Variants in RABEP1 observed in about 807,000 individuals in gnomAD.
RABEP1 encodes the protein rabaptin, RAB GTPase binding effector protein 1, also known as rab GTPase-binding effector protein 1.
A neutral mutation model predicts 123.4 loss-of-function variants in RABEP1; 51 were observed. The observed-to-expected ratio is 0.41, with a 90% CI of 0.33 to 0.52. The LOEUF (loss-of-function observed/expected upper bound fraction) is 0.52, where lower values mean the gene tolerates loss of function less well. RABEP1 is among the 20% of genes least tolerant of loss of function. RABEP1 has a pLI of 0.16. For missense variants in RABEP1, 888 were observed against 996.3 expected (o/e 0.89, Z 1.46); for synonymous variants, 347 against 355.2 (o/e 0.98, Z 0.26).
chr17:5,329,460 G>A (rs1252990146), intron 2 of RABEP1, among the ~76,000 whole-genome samples: 1 of 152,224 alleles, frequency 6.6e-6, no homozygotes, highest in Non-Finnish European at 1.5e-5. Flanking sequence ...GAACCCGGGA[G>A]GCAGAGGTTG....
intron 3 of RABEP1, among the ~76,000 whole-genome samples, chr17:5,332,781 T>C (rs1906688126): frequency 6.6e-6 from 1 of 151,926 alleles, no homozygotes; most frequent in Non-Finnish European, 1.5e-5. Flanking sequence ...GCTAATTTTG[T>C]ATTTTTAGTA....
At chr17:5,363,579 C>G (rs1365922756) in intron 10 of RABEP1, among the ~76,000 whole-genome samples, 2 of 152,108 alleles carry the variant, frequency 1.3e-5, no homozygotes, top group Non-Finnish European at 2.9e-5. Context: ...ACTACCTAAT[C>G]TCTTCCACCC....
intron 11 of RABEP1, among the ~76,000 whole-genome samples, chr17:5,367,360 C>T (rs1910102220): frequency 6.6e-6 from 1 of 151,684 alleles, no homozygotes; most frequent in East Asian, 2.0e-4. Flanking sequence ...CAACGTCTGC[C>T]TCCCAGGTTC....
intron 2 of RABEP1, among the ~76,000 whole-genome samples, chr17:5,326,945 A>T (rs1486649765): frequency 6.6e-6 from 1 of 152,254 alleles, no homozygotes; most frequent in Non-Finnish European, 1.5e-5. Context: ...CCTACTACAC[A>T]TGTAGGCTAC....
At chr17:5,362,706 G>C (rs149027573) in intron 9 of RABEP1, among the ~76,000 whole-genome samples, 1 of 152,284 alleles carries the variant, frequency 6.6e-6, no homozygotes, top group African/African-American at 2.4e-5. Context: ...GCGATAAATT[G>C]TGTCCCATGT....
At chr17:5,328,530 C>T (rs561359880) in intron 2 of RABEP1, among the ~76,000 whole-genome samples, 3 of 151,522 alleles carry the variant, frequency 2.0e-5, no homozygotes, top group Admixed American at 6.6e-5. Flanking sequence ...CCTATAGTCC[C>T]AGCTACGTGG....
intron 1 of RABEP1, among the ~76,000 whole-genome samples, chr17:5,283,598 T>A (rs2074949757): frequency 6.6e-6 from 1 of 152,172 alleles, no homozygotes; most frequent in Non-Finnish European, 1.5e-5. Context: ...TAAGTGTGAG[T>A]AGAGTAGAAT....
chr17:5,289,195 A>G lies in RABEP1; in HGVS notation c.34+6675A>G, dbSNP rs140722720. Among the ~76,000 whole-genome samples the G allele has an allele frequency of 2.3e-3, 313 of 137,072 alleles. 2 individuals are homozygous for G. The highest frequency in any genetic ancestry group is 3.9e-3 in the Non-Finnish European group (250 of 64,878). 89.9% of individuals were successfully genotyped at this position (137,072 alleles called of 152,430 possible). A position where few individuals can be genotyped will look rare whatever the true frequency, so the allele number is the denominator to read the frequency against. On this transcript the variant is annotated intron_variant, in intron 1 of 17. Coordinates refer to ENST00000537505, the MANE Select transcript of RABEP1 (RefSeq NM_004703.6). ...CTTCTTCCTCTTCCTTTTCTCTTCTACTATGAGTTGCTGTTTCACATCTTT... is the reference window on the plus strand; with the variant it reads ...CTTCTTCCTCTTCCTTTTCTCTTCTGCTATGAGTTGCTGTTTCACATCTTT...
chr17:5,361,831 T>C, intron 9 of RABEP1, 156 bp downstream of exon 9: 1 of 637,106 alleles, frequency 1.6e-6, no homozygotes, highest in Admixed American at 3.0e-5. Context: ...ACCCTTGTCA[T>C]AGTCTGCCTT....
In RABEP1 at chr17:5,384,677, T is replaced by G. The variant is rs1911794872; in HGVS notation, c.*1454T>G. On this transcript the variant is annotated 3_prime_UTR_variant, in exon 18 of 18. Coordinates refer to ENST00000537505, the MANE Select transcript of RABEP1 (RefSeq NM_004703.6). ...CTACATACCTCATCTCTTGGGTTAT[T>G]ATTGTAGTCTTGCATTCATGGTTAT... 1 of 213,554 alleles carries G rather than the reference T, an allele frequency of 4.7e-6. No individual in the cohort carries two copies. The highest frequency in any genetic ancestry group is 2.3e-5 in the African/African-American group (1 of 44,250). The allele number at this position is 213,554 out of a possible 1,614,324, so 13.2% of individuals were successfully genotyped here. A position where few individuals can be genotyped will look rare whatever the true frequency, so the allele number is the denominator to read the frequency against.
At chr17:5,303,018 A>G (rs2075149461) in intron 1 of RABEP1, among the ~76,000 whole-genome samples, 1 of 152,150 alleles carries the variant, frequency 6.6e-6, no homozygotes, top group Admixed American at 6.5e-5. Context: ...AAAGCATCTC[A>G]TTGCCTTTTG....
rs186675372 is a variant in RABEP1, at chr17:5,343,145, G to A, written c.649-3645G>A. 4.0e-4 allele frequency among the ~76,000 whole-genome samples: 61 copies of A among 152,296 alleles called. 1 individual carries two copies. The highest frequency in any genetic ancestry group is 1.4e-3 in the African/African-American group (59 of 41,568). On this transcript the variant is annotated intron_variant, in intron 5 of 17. Transcript: ENST00000537505. ...CATCCGCCTGTAATCCCAGCTACTT[G>A]GGGGGCTGAGGCAGGAGAATCGCTT...
intron 15 of RABEP1, among the ~76,000 whole-genome samples, chr17:5,379,671 C>T (rs922740013): frequency 2.0e-5 from 3 of 152,228 alleles, no homozygotes; most frequent in African/African-American, 7.2e-5. Context: ...TCAGACTTCA[C>T]TCTCACCTGG....
chr17:5,328,638 G>A (rs531940966), intron 2 of RABEP1, among the ~76,000 whole-genome samples: 2 of 97,872 alleles, frequency 2.0e-5, no homozygotes, highest in East Asian at 6.7e-4. Flanking sequence ...AGAGTGAGAC[G>A]CTGTGTTAAA....
chr17:5,379,388 T>C (rs558691255), intron 15 of RABEP1, among the ~76,000 whole-genome samples: 1 of 152,332 alleles, frequency 6.6e-6, no homozygotes, highest in East Asian at 1.9e-4. Flanking sequence ...TCTTGACTGA[T>C]CTTTTCCATT....
intron 1 of RABEP1, among the ~76,000 whole-genome samples, chr17:5,300,051 TTCTC>T: frequency 6.6e-6 from 1 of 152,124 alleles, no homozygotes; most frequent in Non-Finnish European, 1.5e-5. Flanking sequence ...AAACTGCTTT[TTCTC>T]TCTGATTGGA....
At chr17:5,317,861 T>C (rs2075313646) in intron 2 of RABEP1, among the ~76,000 whole-genome samples, 1 of 152,136 alleles carries the variant, frequency 6.6e-6, no homozygotes. Context: ...AAAGGTTAAG[T>C]TGATCATTAG....
At chr17:5,296,300 G>T (rs1194684099) in intron 1 of RABEP1, among the ~76,000 whole-genome samples, 1 of 152,230 alleles carries the variant, frequency 6.6e-6, no homozygotes, top group South Asian at 2.1e-4. Context: ...TTTCATTCTT[G>T]TTGCCCAGGC....
At chr17:5,301,629 C>CTAAG (rs2075135713) in intron 1 of RABEP1, among the ~76,000 whole-genome samples, 1 of 152,092 alleles carries the variant, frequency 6.6e-6, no homozygotes, top group South Asian at 2.1e-4. Context: ...GTTTATTTTA[C>CTAAG]GTTGTGGCAC....
Sources: gnomAD v4.1 joint callset for allele counts (sites outside exome capture counted in the v4.1 genomes callset) on GRCh38, gnomAD v4.1.1 for gene constraint, MANE v1.5 for transcripts, NCBI Gene and HGNC (gene_info 2026-07-23, HGNC 2026-07-21) for gene names.